Variants in GALNT13 observed in about 807,000 individuals in gnomAD.
GALNT13 encodes polypeptide N-acetylgalactosaminyltransferase 13.
GALNT13 carries 28 observed loss-of-function variants against 64.2 expected under a neutral mutation model. The observed-to-expected ratio is 0.44, with a 90% CI of 0.32 to 0.60. The LOEUF (loss-of-function observed/expected upper bound fraction) is 0.60, where lower values mean the gene tolerates loss of function less well. GALNT13 is among the 20% of genes least tolerant of loss of function. GALNT13 has a pLI of 0.05. For missense variants in GALNT13, 577 were observed against 669.8 expected (o/e 0.86, Z 1.53); for synonymous variants, 214 against 224.6 (o/e 0.95, Z 0.42).
the GALNT13 span, among the ~76,000 whole-genome samples, chr2:153,817,104 T>C: frequency 6.6e-6 from 1 of 152,214 alleles, no homozygotes; most frequent in South Asian, 2.1e-4. Flanking sequence ...GTGCTACATT[T>C]AAGATCAGCC....
the GALNT13 span, among the ~76,000 whole-genome samples, chr2:153,212,232 A>G: frequency 1.3e-5 from 2 of 152,220 alleles, no homozygotes; most frequent in Non-Finnish European, 2.9e-5. Flanking sequence ...GAATTTACAA[A>G]TAAGCTAATA....
chr2:153,142,425 G>A, the GALNT13 span, among the ~76,000 whole-genome samples: 1 of 152,054 alleles, frequency 6.6e-6, no homozygotes, highest in South Asian at 2.1e-4. Context: ...CTAATGAGCA[G>A]AGAGCTTACC....
At chr2:154,274,288 G>A (rs1333754882) in intron 8 of GALNT13, among the ~76,000 whole-genome samples, 1 of 152,162 alleles carries the variant, frequency 6.6e-6, no homozygotes, top group Non-Finnish European at 1.5e-5. Context: ...AACGATTGCT[G>A]TGGTCTAAGA....
At chr2:153,743,064 AGGGAGGATAAAGTAGG>A in the GALNT13 span, among the ~76,000 whole-genome samples, 2 of 46,990 alleles carry the variant, frequency 4.3e-5, no homozygotes, top group Non-Finnish European at 7.5e-5. Context: ...GGGAAAGGAG[AGGGAGGATAAAGTAGG>A]GGGAGGGGAA....
the GALNT13 span, among the ~76,000 whole-genome samples, chr2:153,119,914 C>T: frequency 6.6e-6 from 1 of 152,136 alleles, no homozygotes; most frequent in Non-Finnish European, 1.5e-5. Flanking sequence ...TTTTCCTATA[C>T]TTTAAAATAT....
At chr2:153,717,511 A>G in the GALNT13 span, among the ~76,000 whole-genome samples, 1 of 152,214 alleles carries the variant, frequency 6.6e-6, no homozygotes, top group African/African-American at 2.4e-5. Flanking sequence ...TCAGAATAAA[A>G]CCTTGTACAT....
chr2:153,684,974 G>T, the GALNT13 span, among the ~76,000 whole-genome samples: 2 of 151,222 alleles, frequency 1.3e-5, no homozygotes, highest in East Asian at 1.9e-4. Flanking sequence ...TCCCTGCAAA[G>T]GATATGAGCT....
At chr2:153,413,349 A>G in the GALNT13 span, among the ~76,000 whole-genome samples, 2 of 152,126 alleles carry the variant, frequency 1.3e-5, no homozygotes, top group South Asian at 4.1e-4. Flanking sequence ...AGCAAAGGTA[A>G]GTGGACACTT....
intron 8 of GALNT13, among the ~76,000 whole-genome samples, chr2:154,269,948 G>C (rs1691264323): frequency 1.4e-5 from 1 of 71,440 alleles, no homozygotes; most frequent in Admixed American, 1.7e-4. Context: ...GGGTGAGTAG[G>C]TGTCACAGAA....
the GALNT13 span, among the ~76,000 whole-genome samples, chr2:153,719,447 G>A: frequency 6.6e-6 from 1 of 152,146 alleles, no homozygotes; most frequent in Admixed American, 6.5e-5. Flanking sequence ...AAGCTAATAT[G>A]GGGGGAGGAG....
At chr2:153,708,890 C>T in the GALNT13 span, among the ~76,000 whole-genome samples, 1 of 151,812 alleles carries the variant, frequency 6.6e-6, no homozygotes, top group Non-Finnish European at 1.5e-5. Flanking sequence ...GGGGAAAGGA[C>T]AATCTCTTCA....
intron 3 of GALNT13, among the ~76,000 whole-genome samples, chr2:154,032,543 C>T (rs1198334161): frequency 6.6e-6 from 1 of 151,420 alleles, no homozygotes; most frequent in African/African-American, 2.4e-5. Flanking sequence ...CATCTAGTAG[C>T]ATATTAAAAG....
intron 8 of GALNT13, among the ~76,000 whole-genome samples, chr2:154,275,079 G>A (rs1691567894): frequency 6.6e-6 from 1 of 152,024 alleles, no homozygotes. Flanking sequence ...GATAATTTAG[G>A]GTATCTGGCA....
At chr2:154,263,669 A>G (rs1690824172) in intron 8 of GALNT13, among the ~76,000 whole-genome samples, 2 of 152,242 alleles carry the variant, frequency 1.3e-5, no homozygotes, top group African/African-American at 2.4e-5. Context: ...AATACTTTTT[A>G]TACTTCCACA....
At chr2:154,388,651 T>A (rs1404835826) in intron 9 of GALNT13, among the ~76,000 whole-genome samples, 1 of 152,154 alleles carries the variant, frequency 6.6e-6, no homozygotes, top group African/African-American at 2.4e-5. Context: ...GGTATTTAGA[T>A]GCAATAGAAT....
At chr2:153,606,551 T>G in the GALNT13 span, among the ~76,000 whole-genome samples, 1 of 152,054 alleles carries the variant, frequency 6.6e-6, no homozygotes, top group Non-Finnish European at 1.5e-5. Context: ...TCAAGACAAT[T>G]CTTCTTCTTC....
rs190001416 is a variant in GALNT13 at position 154,452,595 on chromosome 2, T to C, written c.*2044T>C. The stretch of plus-strand genomic sequence containing the variant: ...ATAAATACAGCTACCCCATCAAAGC[T>C]GAACTTGAAACGTTTTAGCAGAATT... On this transcript the variant is annotated 3_prime_UTR_variant, in exon 13 of 13. Coordinates refer to ENST00000392825, the MANE Select transcript of GALNT13 (RefSeq NM_052917.4). The C allele has an allele frequency of 1.0e-3, 159 of 152,324 alleles. No homozygotes were observed. The highest frequency in any genetic ancestry group is 3.7e-3 in the African/African-American group (153 of 41,578). 9.4% of individuals were successfully genotyped at this position (152,324 alleles called of 1,614,324 possible). A position where few individuals can be genotyped will look rare whatever the true frequency, so the allele number is the denominator to read the frequency against.
chr2:154,322,815 T>C (rs1694696138), intron 9 of GALNT13, among the ~76,000 whole-genome samples: 1 of 152,068 alleles, frequency 6.6e-6, no homozygotes, highest in Non-Finnish European at 1.5e-5. Flanking sequence ...CCCGAAGCCA[T>C]TGACTAAAGT....
chr2:154,110,372 G>GAGAC (rs1702908689), intron 3 of GALNT13, among the ~76,000 whole-genome samples: 4 of 99,026 alleles, frequency 4.0e-5, no homozygotes, highest in Non-Finnish European at 7.9e-5. Flanking sequence ...GAGAGAGAGA[G>GAGAC]AGAGACAGAG....
Sources: gnomAD v4.1 joint callset for allele counts (sites outside exome capture counted in the v4.1 genomes callset) on GRCh38, gnomAD v4.1.1 for gene constraint, MANE v1.5 for transcripts, NCBI Gene and HGNC (gene_info 2026-07-23, HGNC 2026-07-21) for gene names.